Variants in CSMD1 observed in about 807,000 individuals in gnomAD.
CSMD1 encodes CUB and Sushi multiple domains 1, also known as CUB and sushi domain-containing protein 1.
A neutral mutation model predicts 417.5 loss-of-function variants in CSMD1; 213 were observed. The ratio of observed to expected loss-of-function variants is 0.51; its 90% CI spans 0.46 to 0.57. The LOEUF is 0.57. Among genes scored for constraint, CSMD1 ranks in the 20% least tolerant of loss-of-function variants. The pLI, the probability that CSMD1 is intolerant of heterozygous loss-of-function variation, is 0.00. For synonymous variants in CSMD1, 2,862 were observed against 1,736.8 expected, an observed-to-expected ratio of 1.65 and a Z score of -16.11; for missense variants, 6,923 against 4,529.7, an observed-to-expected ratio of 1.53 and a Z score of -15.17.
chr8:3,378,607 T>C (rs1810453646), intron 18 of CSMD1, among the ~76,000 whole-genome samples: 1 of 152,186 alleles, frequency 6.6e-6, no homozygotes, highest in Admixed American at 6.5e-5. Flanking sequence ...TGCAAATCAA[T>C]AAACGTAATC....
intron 54 of CSMD1, among the ~76,000 whole-genome samples, chr8:2,987,337 A>C (rs1806007887): frequency 6.6e-6 from 1 of 150,700 alleles, no homozygotes; most frequent in South Asian, 2.1e-4. Context: ...ATTATATGTA[A>C]GCTTATGTGT....
chr8:3,644,722 C>A (rs1237732720), intron 7 of CSMD1, among the ~76,000 whole-genome samples: 2 of 151,962 alleles, frequency 1.3e-5, no homozygotes, highest in African/African-American at 4.8e-5. Flanking sequence ...ATTTGTGGGG[C>A]CTGTCAGGGG....
At chr8:4,458,342 A>C (rs188284891) in intron 2 of CSMD1, among the ~76,000 whole-genome samples, 10 of 152,168 alleles carry the variant, frequency 6.6e-5, no homozygotes, top group African/African-American at 2.4e-4. Flanking sequence ...GCTGAAAGTT[A>C]TATCAGTAAT....
At chr8:4,455,954 A>AAAAAAAAAAAAAAAAAAC (rs1383780318) in intron 2 of CSMD1, among the ~76,000 whole-genome samples, 1 of 142,052 alleles carries the variant, frequency 7.0e-6, no homozygotes, top group African/African-American at 2.7e-5. Flanking sequence ...AAAAAAAAAA[A>AAAAAAAAAAAAAAAAAAC]AAAAAAAAAT....
At position 4,129,088 on chromosome 8, in the gene CSMD1, A is replaced by C. The variant is rs555007796; in HGVS notation, c.416-96989T>G. ...AGAGTCCAACTCAAAAAAAAAAAAAAAAAACAAAACAAAAAAAACAGAATT... is the reference window on the plus strand; with the variant it reads ...AGAGTCCAACTCAAAAAAAAAAAAACAAAACAAAACAAAAAAAACAGAATT... On this transcript the variant is annotated intron_variant, in intron 3 of 69. Transcript: ENST00000635120. 2.2e-3 allele frequency among the ~76,000 whole-genome samples: 327 copies of C among 151,042 alleles called. 3 individuals carry two copies. The highest frequency in any genetic ancestry group is 0.012 in the South Asian group (59 of 4,732).
chr8:3,695,227 C>T (rs753120612), intron 7 of CSMD1, among the ~76,000 whole-genome samples: 37 of 151,938 alleles, frequency 2.4e-4, no homozygotes, highest in Non-Finnish European at 4.1e-4. Flanking sequence ...ATGCAATAAA[C>T]GCTGGAAGAC....
At chr8:4,941,627 C>G (rs1375794559) in intron 1 of CSMD1, among the ~76,000 whole-genome samples, 3 of 151,442 alleles carry the variant, frequency 2.0e-5, no homozygotes. Flanking sequence ...GAGACAGAGC[C>G]TTGCACTGTC....
chr8:4,444,185 T>A (rs754462507), intron 2 of CSMD1, among the ~76,000 whole-genome samples: 36 of 151,144 alleles, frequency 2.4e-4, no homozygotes, highest in Non-Finnish European at 4.1e-4. Flanking sequence ...CTACTAAAAA[T>A]ATAAAAACTA....
At chr8:3,393,075 G>A (rs866390349) in intron 17 of CSMD1, among the ~76,000 whole-genome samples, 2 of 152,130 alleles carry the variant, frequency 1.3e-5, no homozygotes, top group South Asian at 2.1e-4. Flanking sequence ...CACAGCGACT[G>A]ATACATAAAT....
At chr8:4,526,095 G>A (rs537110937) in intron 2 of CSMD1, among the ~76,000 whole-genome samples, 1 of 152,234 alleles carries the variant, frequency 6.6e-6, no homozygotes, top group East Asian at 1.9e-4. Context: ...TTTAAATAGA[G>A]ATTTGGAAAA....
Position 3,189,012 on chromosome 8 carries a change from C to G in CSMD1, c.5399-1G>C. The G allele has an allele frequency of 6.2e-7, 1 of 1,610,718 alleles. No homozygotes were observed. The highest frequency in any genetic ancestry group is 1.1e-5 in the South Asian group (1 of 90,440). ...TGAGTGAAATTGCCACTGCAGGGTACTAAAAGACACAACCATATGTCATGA... is the reference window on the plus strand; with the variant it reads ...TGAGTGAAATTGCCACTGCAGGGTAGTAAAAGACACAACCATATGTCATGA... On this transcript the variant is annotated splice_acceptor_variant, in intron 34 of 69. Transcript: ENST00000635120. LOFTEE classifies it high-confidence loss of function.
At chr8:4,182,864 C>G (rs921426516) in intron 3 of CSMD1, among the ~76,000 whole-genome samples, 1 of 152,046 alleles carries the variant, frequency 6.6e-6, no homozygotes, top group South Asian at 2.1e-4. Context: ...TTAATAGCAT[C>G]AAACTCAGAG....
intron 1 of CSMD1, among the ~76,000 whole-genome samples, chr8:4,955,359 CTTT>C (rs994565530): frequency 1.9e-4 from 29 of 152,028 alleles, no homozygotes; most frequent in Non-Finnish European, 2.9e-5. Flanking sequence ...CATTTTATGA[CTTT>C]TTATTATGAT....
At chr8:4,425,761 T>A (rs993393729) in intron 2 of CSMD1, among the ~76,000 whole-genome samples, 1 of 152,156 alleles carries the variant, frequency 6.6e-6, no homozygotes, top group Non-Finnish European at 1.5e-5. Flanking sequence ...ATCCCAATAA[T>A]CCACACAGGT....
At chr8:2,979,224 T>C (rs1255141022) in intron 54 of CSMD1, among the ~76,000 whole-genome samples, 1 of 152,264 alleles carries the variant, frequency 6.6e-6, no homozygotes, top group Non-Finnish European at 1.5e-5. Flanking sequence ...ACACACCTAC[T>C]TGCATTAGTG....
At chr8:3,150,890 A>G (rs1223723100) in intron 40 of CSMD1, among the ~76,000 whole-genome samples, 1 of 152,230 alleles carries the variant, frequency 6.6e-6, no homozygotes, top group Non-Finnish European at 1.5e-5. Flanking sequence ...TGAATAACCT[A>G]AAATGTTAAT....
At chr8:3,728,339 A>G (rs1802618886) in intron 6 of CSMD1, among the ~76,000 whole-genome samples, 1 of 152,120 alleles carries the variant, frequency 6.6e-6, no homozygotes. Context: ...AGCCACGTGG[A>G]ACTGGGAGTC....
At chr8:4,763,795 A>G (rs1236384380) in intron 1 of CSMD1, among the ~76,000 whole-genome samples, 1 of 152,218 alleles carries the variant, frequency 6.6e-6, no homozygotes. Flanking sequence ...CTTATCTAAA[A>G]GACTGCAATT....
intron 2 of CSMD1, among the ~76,000 whole-genome samples, chr8:4,546,043 C>T (rs2130539552): frequency 1.3e-5 from 2 of 152,316 alleles, no homozygotes; most frequent in Middle Eastern, 6.8e-3. Context: ...CAGCTTCCCT[C>T]CACTTACCAC....
Sources: allele counts gnomAD v4.1 joint callset (sites outside exome capture counted in the v4.1 genomes callset), GRCh38; gene constraint gnomAD v4.1.1; transcripts MANE v1.5; gene names NCBI Gene and HGNC (gene_info 2026-07-23, HGNC 2026-07-21).